The following EIF3B variants were observed in gnomAD, a reference collection of about 807,000 sequenced individuals.
EIF3B encodes eukaryotic translation initiation factor 3 subunit 9.
Under a neutral mutation model 104.6 loss-of-function variants are expected in EIF3B, and 10 were observed. That is an observed-to-expected ratio of 0.10 (90% CI 0.06 to 0.16). EIF3B has a LOEUF of 0.16. Ranked by LOEUF, EIF3B falls within the 10% of genes least tolerant of loss-of-function variation. The pLI, the probability that EIF3B is intolerant of heterozygous loss-of-function variation, is 1.00. For missense variants in EIF3B, 1,014 were observed against 1,087.9 expected (o/e 0.93, Z 0.96); for synonymous variants, 542 against 417.2 (o/e 1.30, Z -3.65).
upstream of EIF3B, among the ~76,000 whole-genome samples, chr7:2,354,622 G>A (rs550365515): frequency 1.3e-5 from 2 of 152,288 alleles, no homozygotes; most frequent in East Asian, 3.9e-4. Flanking sequence ...CACATGGGGT[G>A]GTCAATGCTC....
At chr7:2,371,751 A>T in intron 10 of EIF3B, 26 bp from the exon 11 acceptor site, 1 of 1,561,872 alleles carries the variant, frequency 6.4e-7, no homozygotes, top group Non-Finnish European at 8.8e-7. Context: ...CCAGAATGTC[A>T]CCCCTTCCCC....
Position 2,354,874 on chromosome 7 carries a change from C to T in EIF3B, c.-48C>T. On this transcript the variant is annotated 5_prime_UTR_variant, in exon 1 of 19. Transcript: ENST00000360876. Reference sequence around the variant, plus strand: ...GGCGCGCGGTGCGGCCTGGGAGAGTCGGAAGCGCGGCGGCCGCGGAGCCCT... The same window carrying T: ...GGCGCGCGGTGCGGCCTGGGAGAGTTGGAAGCGCGGCGGCCGCGGAGCCCT... The T allele has an allele frequency of 8.9e-7, 1 of 1,128,076 alleles. No homozygotes were observed. Among genetic ancestry groups the T allele is most frequent in the East Asian group, 4.9e-5 (1 of 20,558 alleles). The allele number at this position is 1,128,076 out of a possible 1,614,324, so 69.9% of individuals were successfully genotyped here.
rs540881211 is a variant in EIF3B at position 2,372,464 on chromosome 7, G to A, written c.1688-209G>A. 1.2e-3 allele frequency among the ~76,000 whole-genome samples: 176 copies of A among 152,296 alleles called. 1 individual carries two copies. Among genetic ancestry groups the A allele is most frequent in the African/African-American group, 4.1e-3 (171 of 41,568 alleles). On this transcript the variant is annotated intron_variant, in intron 11 of 18. Transcript: ENST00000360876. ...GCTCTCAGGAAGGGAGCAGTTTCACGTAGGTCACTCCACACAAGTGGAAGC... is the reference window on the plus strand; with the variant it reads ...GCTCTCAGGAAGGGAGCAGTTTCACATAGGTCACTCCACACAAGTGGAAGC...
intron 18 of EIF3B, 29 bp from the exon 19 acceptor site, chr7:2,380,175 G>A (rs1388773795): frequency 3.1e-5 from 11 of 349,384 alleles, no homozygotes; most frequent in Admixed American, 1.1e-4. Flanking sequence ...AGGTGGTGCC[G>A]TTTAGGGCCG....
At position 2,377,071 on chromosome 7, in the gene EIF3B, T is replaced by A. The variant is rs1289514448; in HGVS notation, c.2150T>A (p.Ile717Asn). ...RPPTLLSQEQ[I>N]KQIKKDLKKY... is the part of the protein sequence containing the mutation. ...CCCACACTCCTGAGCCAGGAACAGA[T>A]CAAGGTCAGCATGCCCCCACCCCCG... Residue 717 changes from isoleucine (I) to asparagine (N), a missense_variant, in exon 15 of 19, where the codon ATC (isoleucine) becomes AAC (asparagine). This residue lies in a region of EIF3B where 266 missense variants were observed against 324.0 expected (regional missense o/e 0.82). Transcript: ENST00000360876. 1 of 1,607,366 alleles carries A rather than the reference T, an allele frequency of 6.2e-7. No individual in the cohort carries two copies. The highest frequency in any genetic ancestry group is 1.7e-5 in the Admixed American group (1 of 59,764).
At chr7:2,357,812 TC>T (rs1425362023) in intron 1 of EIF3B, among the ~76,000 whole-genome samples, 1 of 152,218 alleles carries the variant, frequency 6.6e-6, no homozygotes, top group Non-Finnish European at 1.5e-5. Flanking sequence ...GGGCAGTTTC[TC>T]CTAGACTAGA....
intron 2 of EIF3B, among the ~76,000 whole-genome samples, chr7:2,361,368 CCT>C (rs1462322538): frequency 6.6e-6 from 1 of 152,164 alleles, no homozygotes; most frequent in Non-Finnish European, 1.5e-5. Flanking sequence ...TGAAGGATGG[CCT>C]CTTGACCCTC....
rs202000879 is a variant in EIF3B at position 2,367,086 on chromosome 7, C to T, written c.1403+41C>T. On this transcript the variant is annotated intron_variant, in intron 9 of 18. Coordinates refer to ENST00000360876, the MANE Select transcript of EIF3B (RefSeq NM_001037283.2). Reference sequence around the variant, plus strand: ...AGTTTGGTGTCTTAGTGTGTTCAGGCTGCTTAACACAATACCAAAAAAAAA... The same window carrying T: ...AGTTTGGTGTCTTAGTGTGTTCAGGTTGCTTAACACAATACCAAAAAAAAA... 84 of 1,425,282 alleles carry T rather than the reference C, an allele frequency of 5.9e-5. No homozygotes were observed. The African/African-American group carries it at 1.2e-3, about 20-fold the overall frequency. 88.3% of individuals were successfully genotyped at this position (1,425,282 alleles called of 1,614,324 possible). A position where few individuals can be genotyped will look rare whatever the true frequency, so the allele number is the denominator to read the frequency against.
chr7:2,356,029 C>T (rs779067216), intron 1 of EIF3B, among the ~76,000 whole-genome samples: 1 of 152,186 alleles, frequency 6.6e-6, no homozygotes, highest in Non-Finnish European at 1.5e-5. Flanking sequence ...TAACAGCCAG[C>T]TTTGCCTTCA....
chr7:2,354,920 C>A lies in EIF3B; in HGVS notation c.-2C>A. On this transcript the variant is annotated 5_prime_UTR_variant, in exon 1 of 19. Transcript: ENST00000360876. Reference sequence around the variant, plus strand: ...GCCCTGCGAGTAGGCAGCGTTGGGCCCATGCAGGACGCGGAGAACGTGGCG... The same window carrying A: ...GCCCTGCGAGTAGGCAGCGTTGGGCACATGCAGGACGCGGAGAACGTGGCG... 3.3e-6 allele frequency: 4 copies of A among 1,228,308 alleles called. No individual in the cohort carries two copies. The highest frequency in any genetic ancestry group is 3.7e-5 in the Admixed American group (1 of 26,972). The allele number at this position is 1,228,308 out of a possible 1,614,324, so 76.1% of individuals were successfully genotyped here. A position where few individuals can be genotyped will look rare whatever the true frequency, so the allele number is the denominator to read the frequency against.
intron 2 of EIF3B, 42 bp from the exon 3 acceptor site, chr7:2,362,603 C>A: frequency 6.2e-7 from 1 of 1,612,564 alleles, no homozygotes. Flanking sequence ...ACCTGCCTAG[C>A]CTTACAGTGT....
In EIF3B at chr7:2,367,888, C is replaced by G. The variant is rs1270330649; in HGVS notation, c.1403+843C>G. ...GCAGAGTCTTACTCTGTCTTGCAGG[C>G]TGGTGTAGAGTGGCGAGATCTTGGC... is the stretch of plus-strand genomic sequence containing the variant. On this transcript the variant is annotated intron_variant, in intron 9 of 18. Coordinates refer to ENST00000360876, the MANE Select transcript of EIF3B (RefSeq NM_001037283.2). Among the ~76,000 whole-genome samples the G allele has an allele frequency of 3.5e-5, 4 of 113,386 alleles. 1 individual carries two copies. The highest frequency in any genetic ancestry group is 3.2e-5 in the Non-Finnish European group (2 of 61,656). 74.4% of individuals were successfully genotyped at this position (113,386 alleles called of 152,430 possible). A position where few individuals can be genotyped will look rare whatever the true frequency, so the allele number is the denominator to read the frequency against.
At chr7:2,367,229 C>G (rs1348292237) in intron 9 of EIF3B, 184 bp downstream of exon 9, 1 of 564,712 alleles carries the variant, frequency 1.8e-6, no homozygotes, top group Non-Finnish European at 3.1e-6. Flanking sequence ...TGACGGCCCA[C>G]CTCCCTCCTA....
intron 2 of EIF3B, among the ~76,000 whole-genome samples, chr7:2,361,942 T>C (rs1373657905): frequency 6.7e-6 from 1 of 149,084 alleles, no homozygotes; most frequent in Non-Finnish European, 1.5e-5. Flanking sequence ...ACGCCTGGCT[T>C]GCTTGCTTGC....
chr7:2,371,241 G>T (rs112466441), intron 10 of EIF3B, among the ~76,000 whole-genome samples: 1 of 152,230 alleles, frequency 6.6e-6, no homozygotes, highest in African/African-American at 2.4e-5. Context: ...GGAGCACAGC[G>T]TTCCCACAGC....
At chr7:2,356,334 C>T (rs902878657) in intron 1 of EIF3B, among the ~76,000 whole-genome samples, 20 of 152,090 alleles carry the variant, frequency 1.3e-4, no homozygotes, top group African/African-American at 4.3e-4. Context: ...ATCAGAGGGC[C>T]GGGCTGGGTG....
Position 2,379,073 on chromosome 7 carries a change from T to C in EIF3B, c.2233-61T>C, listed in dbSNP as rs539164042. 8.2e-6 allele frequency: 12 copies of C among 1,457,324 alleles called. No individual in the cohort carries two copies. In the East Asian group the frequency reaches 2.3e-4, roughly 28 times the overall value. The allele number at this position is 1,457,324 out of a possible 1,614,324, so 90.3% of individuals were successfully genotyped here. ...TGGCACCGTCCGCCTGGGTGTGGGC[T>C]CTTCGCGATGGGGAGGCACTTGTCT... On this transcript the variant is annotated intron_variant, in intron 16 of 18. Transcript: ENST00000360876.
chr7:2,379,460 T>C lies in EIF3B; in HGVS notation c.2408T>C (p.Val803Ala). Reference sequence around the variant, plus strand: ...GAAGAGGAGACCATTGAGTTCTTCGTCACTGAAGAAATCATTCCCCTCGGG... The same window carrying C: ...GAAGAGGAGACCATTGAGTTCTTCGCCACTGAAGAAATCATTCCCCTCGGG... ...DWEEETIEFF[V>A]TEEIIPLGNQ... Residue 803 changes from valine to alanine, a missense_variant, in exon 18 of 19, where the codon GTC becomes GCC. By Grantham distance (64) the Val-to-Ala change is moderately conservative. This residue lies in a region of EIF3B where 266 missense variants were observed against 324.0 expected (regional missense o/e 0.82). Coordinates refer to ENST00000360876, the MANE Select transcript of EIF3B (RefSeq NM_001037283.2). The C allele has an allele frequency of 1.9e-6, 3 of 1,587,984 alleles. No homozygotes were observed. Among genetic ancestry groups the C allele is most frequent in the South Asian group, 1.2e-5 (1 of 86,884 alleles).
chr7:2,376,616 A>G, intron 14 of EIF3B: 1 of 265,606 alleles, frequency 3.8e-6, no homozygotes, highest in Non-Finnish European at 7.2e-6. Context: ...CACAGGGTTC[A>G]GTCCAGTTTA....
Sources: gnomAD v4.1 joint callset for allele counts (sites outside exome capture counted in the v4.1 genomes callset) on GRCh38, gnomAD v4.1.1 for gene constraint, gnomAD v4.1.1 regional missense constraint, MANE v1.5 for transcripts, NCBI Gene and HGNC (gene_info 2026-07-23, HGNC 2026-07-21) for gene names.